BCAS3: variants seen among roughly 807,000 people sequenced by gnomAD.
BCAS3 encodes the protein BCAS3 microtubule associated cell migration factor, also known as BCAS4/BCAS3 fusion.
Under a neutral mutation model 116.1 loss-of-function variants are expected in BCAS3, and 53 were observed. The ratio of observed to expected loss-of-function variants is 0.46; its 90% confidence interval spans 0.37 to 0.57. The LOEUF is 0.57. Among genes scored for constraint, BCAS3 ranks in the 20% least tolerant of loss-of-function variants. The pLI, the probability that BCAS3 is intolerant of heterozygous loss-of-function variation, is 0.00. For missense variants in BCAS3, 917 were observed against 1,165.4 expected, an observed-to-expected ratio of 0.79 and a Z score of 3.10; for synonymous variants, 391 against 408.2, an observed-to-expected ratio of 0.96 and a Z score of 0.51.
chr17:60,964,090 A>G lies in BCAS3; in HGVS notation c.1221+16738A>G, dbSNP rs76279016. On this transcript the variant is annotated intron_variant, in intron 14 of 23. Transcript: ENST00000407086. The surrounding 1 kb of genome is among the most constrained non-coding windows in gnomAD (Gnocchi z 4.6). The stretch of plus-strand genomic sequence containing the variant: ...TATTATGTTGAGTAACCGTAGTGAG[A>G]GTGGACATACTCGTCTTGTTCCAGT... 0.021 allele frequency among the ~76,000 whole-genome samples: 3,184 copies of G among 152,212 alleles called. 116 individuals are homozygous for G. Among genetic ancestry groups the G allele is most frequent in the African/African-American group, 0.071 (2,948 of 41,516 alleles).
At chr17:60,805,028 C>T (rs1007947322) in intron 6 of BCAS3, among the ~76,000 whole-genome samples, 8 of 151,126 alleles carry the variant, frequency 5.3e-5, no homozygotes, top group Non-Finnish European at 1.0e-4. Context: ...CTGCATCAGT[C>T]ATCAGTCTGA....
rs4335826 is a variant in BCAS3 at position 61,037,193 on chromosome 17, A to G, written c.1763-696A>G. 2.0e-4 allele frequency among the ~76,000 whole-genome samples: 31 copies of G among 152,166 alleles called. No homozygotes were observed. Among genetic ancestry groups the G allele is most frequent in the African/African-American group, 7.2e-4 (30 of 41,412 alleles). ...ATACAACTAACCTTTCATGCAAGTC[A>G]TTTGGTACATGCAGGGTAACTAAAT... On this transcript the variant is annotated intron_variant, in intron 17 of 23. Transcript: ENST00000407086. The surrounding 1 kb of genome is among the most constrained non-coding windows in gnomAD (Gnocchi z 4.7).
intron 22 of BCAS3, among the ~76,000 whole-genome samples, chr17:61,148,015 A>T (rs1400117184): frequency 6.6e-6 from 1 of 151,998 alleles, no homozygotes; most frequent in East Asian, 1.9e-4. Context: ...AGAAATGTAT[A>T]AGTTGGTTGG....
At chr17:60,761,838 C>T in intron 6 of BCAS3, among the ~76,000 whole-genome samples, 1 of 139,002 alleles carries the variant, frequency 7.2e-6, no homozygotes, top group Non-Finnish European at 1.5e-5. Context: ...TAAAAGTGTT[C>T]CTATTTCTCC....
At chr17:60,783,720 A>C (rs1314845680) in intron 6 of BCAS3, among the ~76,000 whole-genome samples, 1 of 152,212 alleles carries the variant, frequency 6.6e-6, no homozygotes, top group Admixed American at 6.5e-5. Flanking sequence ...CAGTTTTCCC[A>C]TCATTAACTT....
At chr17:60,749,314 A>G (rs1306547508) in intron 6 of BCAS3, among the ~76,000 whole-genome samples, 1 of 152,210 alleles carries the variant, frequency 6.6e-6, no homozygotes, top group Non-Finnish European at 1.5e-5. Flanking sequence ...CATTATGTTG[A>G]AGAGTCTGAG....
At chr17:60,948,959 C>T (rs1041731241) in intron 14 of BCAS3, among the ~76,000 whole-genome samples, 1 of 151,784 alleles carries the variant, frequency 6.6e-6, no homozygotes, top group African/African-American at 2.4e-5. Context: ...TCACTGCAAC[C>T]TCCACCTCCT....
At chr17:61,334,238 C>A (rs2056521244) in intron 22 of BCAS3, among the ~76,000 whole-genome samples, 2 of 152,086 alleles carry the variant, frequency 1.3e-5, no homozygotes, top group Admixed American at 1.3e-4. Flanking sequence ...TAGTTACTTC[C>A]TTAGAAGTCA....
intron 19 of BCAS3, among the ~76,000 whole-genome samples, chr17:61,067,269 ATG>A (rs1254698057): frequency 0.014 from 1,143 of 83,238 alleles, 83 homozygotes; most frequent in African/African-American, 0.064. Flanking sequence ...TTATGTGTGT[ATG>A]TGTATATATA....
chr17:60,686,051 G>A (rs1484452051), intron 3 of BCAS3, among the ~76,000 whole-genome samples: 1 of 151,844 alleles, frequency 6.6e-6, no homozygotes, highest in Non-Finnish European at 1.5e-5. Context: ...TGTATTTTTA[G>A]TAGAGACGGG....
intron 17 of BCAS3, among the ~76,000 whole-genome samples, chr17:61,035,276 A>C (rs1169791337): frequency 3.9e-5 from 6 of 151,954 alleles, no homozygotes; most frequent in Non-Finnish European, 8.8e-5. Flanking sequence ...AAAAAAATCA[A>C]CTCTGCCATG....
chr17:61,146,925 A>T (rs77682195), intron 22 of BCAS3, among the ~76,000 whole-genome samples: 111 of 151,896 alleles, frequency 7.3e-4, no homozygotes, highest in African/African-American at 7.7e-4. Flanking sequence ...TTTAAAAAAA[A>T]TTTTTTTAAG....
At chr17:60,732,534 A>T (rs1318394223) in intron 5 of BCAS3, among the ~76,000 whole-genome samples, 2 of 152,144 alleles carry the variant, frequency 1.3e-5, no homozygotes. Flanking sequence ...CATAGGAAGT[A>T]ATGTATTAGT....
At chr17:61,058,373 A>G (rs946767413) in intron 19 of BCAS3, among the ~76,000 whole-genome samples, 2 of 152,144 alleles carry the variant, frequency 1.3e-5, no homozygotes, top group Non-Finnish European at 2.9e-5. Context: ...GTATTTTATG[A>G]CTTTGTGAAG....
At chr17:60,740,163 T>C (rs2041391153) in intron 5 of BCAS3, among the ~76,000 whole-genome samples, 1 of 152,056 alleles carries the variant, frequency 6.6e-6, no homozygotes, top group Non-Finnish European at 1.5e-5. Flanking sequence ...TCAGATTGTA[T>C]TGTTTGCCTT....
Position 60,782,585 on chromosome 17 carries a change from A to ATTC in BCAS3, c.404-25417_404-25416insCTT, listed in dbSNP as rs1230241285. ...AGTTATTATTATTATTATTATTATTATTATTATTATTATTATTTTGAGATG... is the reference window on the plus strand; with the variant it reads ...AGTTATTATTATTATTATTATTATTATTCTTATTATTATTATTATTTTGAGATG... On this transcript the variant is annotated intron_variant, in intron 6 of 23. Transcript: ENST00000407086. 4.7e-5 allele frequency among the ~76,000 whole-genome samples: 7 copies of ATTC among 147,770 alleles called. No individual in the cohort carries two copies. In the East Asian group the frequency reaches 1.4e-3, roughly 29 times the overall value.
At chr17:61,170,457 TAATTTTTTGTAGTTTTAGTAGAGATGAG>T in intron 22 of BCAS3, among the ~76,000 whole-genome samples, 2 of 151,916 alleles carry the variant, frequency 1.3e-5, no homozygotes, top group African/African-American at 2.4e-5. Context: ...CACGCCCGGC[TAATTTTTTGTAGTTTTAGTAGAGATGAG>T]GTTTCACCGT....
rs1247489706 is a variant in BCAS3 at position 61,349,287 on chromosome 17, C to T, written c.2426-19040C>T. On this transcript the variant is annotated intron_variant, in intron 22 of 23. Coordinates refer to ENST00000407086, the MANE Select transcript of BCAS3 (RefSeq NM_017679.5). The surrounding 1 kb of genome is among the most constrained non-coding windows in gnomAD (Gnocchi z 4.7). The stretch of plus-strand genomic sequence containing the variant: ...CAACTGCACAAATCACACCCCCACT[C>T]TCCCACCCTACACCCTAATACCCTC... Among the ~76,000 whole-genome samples the T allele has an allele frequency of 3.9e-5, 6 of 152,162 alleles. No individual in the cohort carries two copies. The highest frequency in any genetic ancestry group is 7.3e-5 in the Non-Finnish European group (5 of 68,032).
chr17:61,137,242 C>T (rs1315461385), intron 22 of BCAS3, among the ~76,000 whole-genome samples: 1 of 152,100 alleles, frequency 6.6e-6, no homozygotes, highest in African/African-American at 2.4e-5. Context: ...CAGCAAATTG[C>T]TTAAAATCGA....
Sources: allele counts gnomAD v4.1 joint callset (sites outside exome capture counted in the v4.1 genomes callset), GRCh38; gene constraint gnomAD v4.1.1; non-coding constraint Gnocchi (gnomAD v3.1); transcripts MANE v1.5; gene names NCBI Gene and HGNC (gene_info 2026-07-23, HGNC 2026-07-21).